The following EIPR1 variants were observed in gnomAD, a reference collection of about 807,000 sequenced individuals.
The protein encoded by EIPR1 is EARP complex and GARP complex interacting protein 1.
Under a neutral mutation model 48.1 loss-of-function variants are expected in EIPR1, and 25 were observed. The ratio of observed to expected loss-of-function variants is 0.52; its 90% confidence interval spans 0.38 to 0.73. EIPR1 has a LOEUF of 0.73. Ranked by LOEUF, EIPR1 falls within the 30% of genes least tolerant of loss-of-function variation. The pLI is 0.00. For synonymous variants in EIPR1, 204 were observed against 201.9 expected, an observed-to-expected ratio of 1.01 and a Z score of -0.09; for missense variants, 415 against 506.2, an observed-to-expected ratio of 0.82 and a Z score of 1.73.
chr2:3,189,247 CG>C lies in EIPR1; in HGVS notation c.*86del, dbSNP rs564930666. Reference sequence around the variant, plus strand: ...CCCAGAGAGGGATCCACCTGGAACACGAGTCACCTCCAAAGAGCTGCGACTG... The same window carrying C: ...CCCAGAGAGGGATCCACCTGGAACACAGTCACCTCCAAAGAGCTGCGACTG... On this transcript the variant is annotated 3_prime_UTR_variant, in exon 9 of 9. Coordinates refer to ENST00000382125, the MANE Select transcript of EIPR1 (RefSeq NM_003310.5). This position sits in a 1 kb window ranked among gnomAD's most constrained non-coding sequence, Gnocchi z 4.6. 353 of 1,347,718 alleles carry C rather than the reference CG, an allele frequency of 2.6e-4. 3 individuals carry two copies. The South Asian group carries it at 5.8e-3, about 22-fold the overall frequency. 83.5% of individuals were successfully genotyped at this position (1,347,718 alleles called of 1,614,324 possible).
chr2:3,201,918 T>G (rs1388433106), intron 5 of EIPR1, among the ~76,000 whole-genome samples: 1 of 152,018 alleles, frequency 6.6e-6, no homozygotes, highest in Admixed American at 6.5e-5. Flanking sequence ...CAATGTCTTT[T>G]TATTTTATTT....
chr2:3,293,755 A>G (rs545674330), intron 3 of EIPR1, among the ~76,000 whole-genome samples: 1 of 152,312 alleles, frequency 6.6e-6, no homozygotes, highest in East Asian at 1.9e-4. Flanking sequence ...CCCAGGACGC[A>G]GAGGCAGCCT....
intron 4 of EIPR1, among the ~76,000 whole-genome samples, chr2:3,233,333 T>C (rs1666300987): frequency 6.6e-6 from 1 of 152,220 alleles, no homozygotes. Context: ...AATTCCCATG[T>C]ATGCCACTTC....
chr2:3,207,546 G>T lies in EIPR1; in HGVS notation c.516+6603C>A, dbSNP rs1009922080. The stretch of plus-strand genomic sequence containing the variant: ...CAGAGGCTCTGTGTTGGCCACCAAA[G>T]CTCCAGCAGCATGTCACAGTTCAGG... On this transcript the variant is annotated intron_variant, in intron 5 of 8. Transcript: ENST00000382125. Among the ~76,000 whole-genome samples, 6 of 152,222 alleles carry T rather than the reference G, an allele frequency of 3.9e-5. No individual in the cohort carries two copies. In the South Asian group the frequency reaches 1.2e-3, roughly 32 times the overall value.
intron 3 of EIPR1, among the ~76,000 whole-genome samples, chr2:3,264,214 C>T (rs1208284315): frequency 6.6e-6 from 1 of 152,156 alleles, no homozygotes; most frequent in Non-Finnish European, 1.5e-5. Flanking sequence ...TTTTTAGATT[C>T]TGCATGTAAG....
intron 3 of EIPR1, among the ~76,000 whole-genome samples, chr2:3,290,312 A>G (rs1054229058): frequency 6.6e-6 from 1 of 152,254 alleles, no homozygotes; most frequent in African/African-American, 2.4e-5. Context: ...GAAGTACACA[A>G]AAGATTATGA....
intron 3 of EIPR1, among the ~76,000 whole-genome samples, chr2:3,305,970 G>C (rs752471879): frequency 6.6e-6 from 1 of 151,996 alleles, no homozygotes; most frequent in Non-Finnish European, 1.5e-5. Context: ...ATTTCAAATC[G>C]CTGCTTCCCC....
At chr2:3,226,247 A>G (rs1037876197) in intron 4 of EIPR1, among the ~76,000 whole-genome samples, 2 of 152,224 alleles carry the variant, frequency 1.3e-5, no homozygotes, top group African/African-American at 4.8e-5. Context: ...TTGAATATAT[A>G]AAAGTGTTTC....
At chr2:3,370,995 C>T (rs541631192) in intron 1 of EIPR1, among the ~76,000 whole-genome samples, 10 of 152,266 alleles carry the variant, frequency 6.6e-5, no homozygotes, top group South Asian at 4.1e-4. Context: ...AGAGAAAGGT[C>T]GGGTTACCCA....
At chr2:3,345,569 A>G (rs1284687111) in intron 2 of EIPR1, among the ~76,000 whole-genome samples, 2 of 152,064 alleles carry the variant, frequency 1.3e-5, no homozygotes, top group African/African-American at 4.8e-5. Context: ...AGGTTTTAGT[A>G]AGCTGAGGTC....
At chr2:3,294,012 T>C (rs570247872) in intron 3 of EIPR1, among the ~76,000 whole-genome samples, 3 of 152,168 alleles carry the variant, frequency 2.0e-5, no homozygotes, top group African/African-American at 7.2e-5. Flanking sequence ...TCTTTGATGA[T>C]ATCCAAAGTG....
chr2:3,307,625 C>T (rs1170105915), intron 3 of EIPR1, among the ~76,000 whole-genome samples: 1 of 152,228 alleles, frequency 6.6e-6, no homozygotes, highest in South Asian at 2.1e-4. Context: ...CCCACTCTCG[C>T]TCATGTGCCA....
intron 4 of EIPR1, among the ~76,000 whole-genome samples, chr2:3,232,218 C>G (rs1172674031): frequency 6.6e-6 from 1 of 152,190 alleles, no homozygotes; most frequent in African/African-American, 2.4e-5. Context: ...TTTAGCCTCA[C>G]TAAAGGCTTG....
At chr2:3,347,354 C>T (rs571807883) in intron 2 of EIPR1, among the ~76,000 whole-genome samples, 5 of 152,162 alleles carry the variant, frequency 3.3e-5, no homozygotes, top group African/African-American at 1.2e-4. Flanking sequence ...GGGAGACAAT[C>T]GAATCATGGG....
intron 5 of EIPR1, among the ~76,000 whole-genome samples, chr2:3,213,193 C>T (rs189919990): frequency 6.6e-6 from 1 of 152,346 alleles, no homozygotes; most frequent in Admixed American, 6.5e-5. Context: ...GCCGGCAACG[C>T]AGCCCCCAAG....
At chr2:3,257,534 C>T in intron 3 of EIPR1, 79 bp from the exon 4 acceptor site, 1 of 1,539,454 alleles carries the variant, frequency 6.5e-7, no homozygotes. Context: ...CGCACATTTA[C>T]ACAAATCCAT....
chr2:3,353,356 T>G (rs1558316455), intron 2 of EIPR1: 2 of 468,976 alleles, frequency 4.3e-6, no homozygotes. Context: ...ACTTTGCTTT[T>G]TTACACCACG....
chr2:3,335,613 G>A (rs1236178285), intron 3 of EIPR1, among the ~76,000 whole-genome samples: 4 of 152,156 alleles, frequency 2.6e-5, no homozygotes, highest in Non-Finnish European at 5.9e-5. Context: ...TTGGGTCTGT[G>A]TCCCCACCCA....
intron 2 of EIPR1, among the ~76,000 whole-genome samples, chr2:3,346,774 G>A (rs1293966778): frequency 6.6e-6 from 1 of 152,200 alleles, no homozygotes; most frequent in African/African-American, 2.4e-5. Context: ...GCTGTTTGTA[G>A]GAGAGATCAG....
Sources: allele counts gnomAD v4.1 joint callset (sites outside exome capture counted in the v4.1 genomes callset), GRCh38; gene constraint gnomAD v4.1.1; non-coding constraint Gnocchi (gnomAD v3.1); transcripts MANE v1.5; gene names NCBI Gene and HGNC (gene_info 2026-07-23, HGNC 2026-07-21).